PARD3: variants seen among roughly 807,000 people sequenced by gnomAD.
PARD3 encodes partitioning defective 3 homolog.
In PARD3, 75 loss-of-function variants were observed where a neutral mutation model predicts 155.4. That is an observed-to-expected ratio of 0.48 (90% CI 0.40 to 0.58). PARD3 has a LOEUF of 0.58. Ranked by LOEUF, PARD3 falls within the 20% of genes least tolerant of loss-of-function variation. The pLI, the probability that PARD3 is intolerant of heterozygous loss-of-function variation, is 0.00. For missense variants in PARD3, 1,642 were observed against 1,721.7 expected (o/e 0.95, Z 0.82); for synonymous variants, 576 against 610.5 (o/e 0.94, Z 0.83).
At position 34,402,711 on chromosome 10, in the gene PARD3, T is replaced by C. The variant is rs544142034; in HGVS notation, c.715-794A>G. On this transcript the variant is annotated intron_variant, in intron 5 of 24. Transcript: ENST00000374788. ...AATGTGTTGCAGAAATTCAATAAGTTTGCTGGTGTTTACACATGTCAGTTT... is the reference window on the plus strand; with the variant it reads ...AATGTGTTGCAGAAATTCAATAAGTCTGCTGGTGTTTACACATGTCAGTTT... Among the ~76,000 whole-genome samples the C allele has an allele frequency of 3.9e-5, 6 of 152,294 alleles. No homozygotes were observed. In the South Asian group the frequency reaches 1.0e-3, roughly 26 times the overall value.
intron 7 of PARD3, among the ~76,000 whole-genome samples, chr10:34,390,972 A>G (rs1186336203): frequency 6.6e-6 from 1 of 152,246 alleles, no homozygotes; most frequent in Non-Finnish European, 1.5e-5. Flanking sequence ...TGTCAATTCC[A>G]AATAAGATCC....
At chr10:34,137,533 A>G (rs1947964624) in intron 22 of PARD3, among the ~76,000 whole-genome samples, 1 of 152,212 alleles carries the variant, frequency 6.6e-6, no homozygotes, top group South Asian at 2.1e-4. Flanking sequence ...TTAAGCTGCA[A>G]AGTTTGTGTT....
chr10:34,683,705 G>A (rs143275658), intron 2 of PARD3, among the ~76,000 whole-genome samples: 48 of 152,122 alleles, frequency 3.2e-4, no homozygotes, highest in African/African-American at 1.0e-3. Flanking sequence ...GAAGGACTGA[G>A]GCCCAGCCCA....
intron 5 of PARD3, among the ~76,000 whole-genome samples, chr10:34,422,514 T>C (rs1309871146): frequency 2.6e-4 from 39 of 152,024 alleles, no homozygotes; most frequent in Admixed American, 2.6e-3. Context: ...GAAGAAATAT[T>C]TGGAAATTAT....
At chr10:34,138,424 A>C (rs571683598) in intron 22 of PARD3, among the ~76,000 whole-genome samples, 1 of 152,248 alleles carries the variant, frequency 6.6e-6, no homozygotes, top group South Asian at 2.1e-4. Flanking sequence ...TGATCTCTGA[A>C]AGTCAGCCTC....
At chr10:34,348,158 G>C (rs369194266) in intron 14 of PARD3, 43 bp from the exon 15 acceptor site, 1 of 1,538,284 alleles carries the variant, frequency 6.5e-7, no homozygotes, top group South Asian at 1.3e-5. Context: ...ATCAGTACCT[G>C]GAGGCCAATT....
chr10:34,401,817 G>A lies in PARD3; in HGVS notation c.806+9C>T, dbSNP rs1417164369. On this transcript the variant is annotated intron_variant, in intron 6 of 24. Coordinates refer to ENST00000374788, the MANE Select transcript of PARD3 (RefSeq NM_001184785.2). ...ACTGCAAACTTAGTTGAAACCATCAGTAACTTACTCCAGAGAAAAGTTGGG... is the reference window on the plus strand; with the variant it reads ...ACTGCAAACTTAGTTGAAACCATCAATAACTTACTCCAGAGAAAAGTTGGG... The A allele has an allele frequency of 1.9e-6, 3 of 1,582,530 alleles. No homozygotes were observed. Among genetic ancestry groups the A allele is most frequent in the East Asian group, 4.5e-5 (2 of 44,712 alleles).
chr10:34,480,091 C>CAT (rs1310089148), intron 3 of PARD3, among the ~76,000 whole-genome samples: 1 of 152,218 alleles, frequency 6.6e-6, no homozygotes, highest in Non-Finnish European at 1.5e-5. Context: ...AGGCAGACGG[C>CAT]ATAGAGCCTG....
intron 1 of PARD3, among the ~76,000 whole-genome samples, chr10:34,814,079 T>A (rs1203801575): frequency 6.6e-6 from 1 of 152,082 alleles, no homozygotes; most frequent in Non-Finnish European, 1.5e-5. Flanking sequence ...CCCAGCCACA[T>A]GGAACCAGCC....
chr10:34,774,931 G>C (rs1341584441), intron 1 of PARD3, among the ~76,000 whole-genome samples: 1 of 152,176 alleles, frequency 6.6e-6, no homozygotes, highest in African/African-American at 2.4e-5. Flanking sequence ...ACCTAGTTAC[G>C]AAGATGTATG....
At chr10:34,375,396 G>C (rs1841125768) in intron 10 of PARD3, among the ~76,000 whole-genome samples, 1 of 151,856 alleles carries the variant, frequency 6.6e-6, no homozygotes, top group Non-Finnish European at 1.5e-5. Context: ...AAAATAAAAA[G>C]GTGTTGCTCT....
intron 22 of PARD3, among the ~76,000 whole-genome samples, chr10:34,184,172 G>A (rs1950385579): frequency 6.6e-6 from 1 of 152,158 alleles, no homozygotes; most frequent in Admixed American, 6.5e-5. Context: ...TCACACTGAG[G>A]TTTCCGACCA....
At chr10:34,280,333 T>C (rs59564120) in intron 21 of PARD3, among the ~76,000 whole-genome samples, 3,869 of 152,278 alleles carry the variant, frequency 0.025, 146 homozygotes, top group African/African-American at 0.088. Flanking sequence ...ATGTGTACTT[T>C]ATAGGAAAAA....
At chr10:34,361,618 G>C (rs1424332824) in intron 12 of PARD3, among the ~76,000 whole-genome samples, 1 of 152,206 alleles carries the variant, frequency 6.6e-6, no homozygotes, top group Non-Finnish European at 1.5e-5. Context: ...TACATTTTGA[G>C]AGTACACTAT....
At chr10:34,452,194 T>C (rs2077099227) in intron 4 of PARD3, among the ~76,000 whole-genome samples, 1 of 152,168 alleles carries the variant, frequency 6.6e-6, no homozygotes, top group Non-Finnish European at 1.5e-5. Flanking sequence ...TTGAGGTGAT[T>C]ATTACACCAA....
intron 5 of PARD3, among the ~76,000 whole-genome samples, chr10:34,425,985 G>A (rs2075582456): frequency 2.6e-5 from 4 of 152,118 alleles, no homozygotes; most frequent in Admixed American, 2.0e-4. Flanking sequence ...TAAACTATCA[G>A]GTATCTGAGG....
chr10:34,451,474 A>G lies in PARD3; in HGVS notation c.583-1026T>C, dbSNP rs79906290. 1.2e-3 allele frequency among the ~76,000 whole-genome samples: 180 copies of G among 152,296 alleles called. 1 individual carries two copies. Among genetic ancestry groups the G allele is most frequent in the African/African-American group, 4.0e-3 (165 of 41,574 alleles). Reference sequence around the variant, plus strand: ...TCTTCATGTGCTAAACTATATGAACACCCAATACAAACACAGAAACAAAAA... The same window carrying G: ...TCTTCATGTGCTAAACTATATGAACGCCCAATACAAACACAGAAACAAAAA... On this transcript the variant is annotated intron_variant, in intron 4 of 24. Transcript: ENST00000374788.
At chr10:34,325,092 C>T (rs967820881) in intron 19 of PARD3, among the ~76,000 whole-genome samples, 3 of 152,106 alleles carry the variant, frequency 2.0e-5, no homozygotes, top group African/African-American at 4.8e-5. Flanking sequence ...TCACTGCAAC[C>T]TCCGCCTCCC....
At position 34,814,799 on chromosome 10, in the gene PARD3, C is replaced by T. The variant is rs552256132; in HGVS notation, c.120+77G>A. The stretch of plus-strand genomic sequence containing the variant: ...CCGCCTCCCTGCGCCTCTCCTCCCC[C>T]TTCCAGGAAGCGCCATATTGATCCC... On this transcript the variant is annotated intron_variant, in intron 1 of 24. Coordinates refer to ENST00000374788, the MANE Select transcript of PARD3 (RefSeq NM_001184785.2). 3.3e-4 allele frequency: 410 copies of T among 1,254,692 alleles called. 1 individual carries two copies. In the African/African-American group the frequency reaches 5.2e-3, roughly 16 times the overall value. The allele number at this position is 1,254,692 out of a possible 1,614,324, so 77.7% of individuals were successfully genotyped here.
Sources: gnomAD v4.1 joint callset for allele counts (sites outside exome capture counted in the v4.1 genomes callset) on GRCh38, gnomAD v4.1.1 for gene constraint, MANE v1.5 for transcripts, NCBI Gene and HGNC (gene_info 2026-07-23, HGNC 2026-07-21) for gene names.